The following ADTRP variants were observed in gnomAD, a reference collection of about 807,000 sequenced individuals.
ADTRP encodes the protein androgen-dependent TFPI-regulating protein.
In ADTRP, 20 loss-of-function variants were observed where a neutral mutation model predicts 27.0. That is an observed-to-expected ratio of 0.74 (90% CI 0.52 to 1.08). ADTRP has a LOEUF of 1.08. ADTRP is among the 50% of genes least tolerant of loss of function. ADTRP has a pLI of 0.00. For missense variants in ADTRP, 251 were observed against 275.0 expected (o/e 0.91, Z 0.62); for synonymous variants, 101 against 105.2 (o/e 0.96, Z 0.25).
intron 3 of ADTRP, among the ~76,000 whole-genome samples, chr6:11,740,664 A>G (rs1762687107): frequency 6.6e-6 from 1 of 152,230 alleles, no homozygotes; most frequent in Admixed American, 6.5e-5. Flanking sequence ...TCCATTTGCC[A>G]GCTAAAAACT....
At chr6:11,717,264 A>T in intron 5 of ADTRP, 2 of 1,298,918 alleles carry the variant, frequency 1.5e-6, no homozygotes, top group South Asian at 1.2e-5. Context: ...CTGCTGTCAG[A>T]TAGTAGCAAG....
At chr6:11,733,927 G>A (rs148277382) in intron 4 of ADTRP, among the ~76,000 whole-genome samples, 1 of 151,940 alleles carries the variant, frequency 6.6e-6, no homozygotes, top group African/African-American at 2.4e-5. Flanking sequence ...TCCCCAAAAA[G>A]GAAAAGAAAA....
At position 11,714,379 on chromosome 6, in the gene ADTRP, A is replaced by T; in HGVS notation, c.*99T>A. 7.2e-7 allele frequency: 1 copy of T among 1,380,056 alleles called. No homozygotes were observed. The allele number at this position is 1,380,056 out of a possible 1,614,324, so 85.5% of individuals were successfully genotyped here. ...CACTCTCTGTCCCTCCTACTTTGCT[A>T]TGTTCCTCCACCACCTCCCTCCACC... On this transcript the variant is annotated 3_prime_UTR_variant, in exon 6 of 6. Transcript: ENST00000414691.
At chr6:11,714,645 C>G in intron 5 of ADTRP, 133 bp from the exon 6 acceptor site, 1 of 1,000,948 alleles carries the variant, frequency 1.0e-6, no homozygotes, top group Non-Finnish European at 1.5e-6. Context: ...TGACAAGATG[C>G]AGTTTAAGGA....
intron 5 of ADTRP, among the ~76,000 whole-genome samples, chr6:11,721,309 G>C (rs971949270): frequency 5.9e-5 from 9 of 152,184 alleles, no homozygotes; most frequent in Non-Finnish European, 1.0e-4. Context: ...ATATAGAAGA[G>C]CAAAAGCCAA....
intron 4 of ADTRP, among the ~76,000 whole-genome samples, chr6:11,734,933 T>A (rs1038464860): frequency 6.7e-5 from 10 of 148,372 alleles, no homozygotes; most frequent in Admixed American, 4.1e-4. Flanking sequence ...GGTTATAGAA[T>A]GGAAGAAAAG....
At chr6:11,737,176 C>T (rs13192105) in intron 3 of ADTRP, among the ~76,000 whole-genome samples, 7,506 of 152,096 alleles carry the variant, frequency 0.049, 250 homozygotes, top group Non-Finnish European at 0.052. Context: ...AGTCCTTCTG[C>T]CACCCTCTGA....
chr6:11,716,719 C>CTTTTTCTTTTTTTTTTTTTTTT (rs200468981), intron 5 of ADTRP, among the ~76,000 whole-genome samples: 1 of 125,412 alleles, frequency 8.0e-6, no homozygotes. Flanking sequence ...TTTTCTTTTT[C>CTTTTTCTTTTTTTTTTTTTTTT]TTTTTTTTTT....
chr6:11,723,249 T>C, intron 5 of ADTRP, 100 bp downstream of exon 5: 3 of 1,456,444 alleles, frequency 2.1e-6, no homozygotes, highest in Non-Finnish European at 2.8e-6. Context: ...GTAAGCATCA[T>C]TGCTTCTGTT....
rs1401671618 is a variant in ADTRP at position 11,740,317 on chromosome 6, T to G, written c.391-4634A>C. On this transcript the variant is annotated intron_variant, in intron 3 of 5. Transcript: ENST00000414691. Reference sequence around the variant, plus strand: ...TAAATATTTTTAAGTGAAGTTTTAGTGCACTAACAAGATCTCATTTCTGAG... The same window carrying G: ...TAAATATTTTTAAGTGAAGTTTTAGGGCACTAACAAGATCTCATTTCTGAG... Among the ~76,000 whole-genome samples the G allele has an allele frequency of 3.3e-5, 5 of 152,366 alleles. No individual in the cohort carries two copies. In the East Asian group the frequency reaches 9.6e-4, roughly 29 times the overall value.
At chr6:11,773,116 T>C (rs1763838967) in intron 1 of ADTRP, among the ~76,000 whole-genome samples, 1 of 152,100 alleles carries the variant, frequency 6.6e-6, no homozygotes, top group African/African-American at 2.4e-5. Context: ...GGAATGTCAG[T>C]TAGGTACAGA....
In ADTRP at chr6:11,734,995, T is replaced by C. The variant is rs186233750; in HGVS notation, c.506+573A>G. Among the ~76,000 whole-genome samples, 18 of 150,424 alleles carry C rather than the reference T, an allele frequency of 1.2e-4. 1 individual carries two copies. Among genetic ancestry groups the C allele is most frequent in the African/African-American group, 3.1e-4 (13 of 41,504 alleles). On this transcript the variant is annotated intron_variant, in intron 4 of 5. Transcript: ENST00000414691. ...AGCACGTTCCCTTGATTATAGACTA[T>C]TGGGCAGCGTTTCTGAAAATGAGTA...
At chr6:11,738,327 G>C (rs2235414) in intron 3 of ADTRP, among the ~76,000 whole-genome samples, 57,849 of 151,968 alleles carry the variant, frequency 0.38, 12,600 homozygotes, top group Non-Finnish European at 0.5. Context: ...GCCCACAGCT[G>C]GTGCCTGCGT....
chr6:11,739,612 G>A (rs761253081), intron 3 of ADTRP, among the ~76,000 whole-genome samples: 1 of 152,166 alleles, frequency 6.6e-6, no homozygotes, highest in African/African-American at 2.4e-5. Context: ...ACCAGCCCAT[G>A]GAAAATTTGT....
rs757228752 is a variant in ADTRP at position 11,768,342 on chromosome 6, A to T, written c.195T>A (p.Asp65Glu). 1.9e-6 allele frequency: 3 copies of T among 1,614,134 alleles called. No individual in the cohort carries two copies. The East Asian group carries it at 6.7e-5, about 36-fold the overall frequency. ...TTCCCCCTTTGGTTCTTTTCAGCAC[A>T]TCATCCAGGCAGGTGACCCCGTAGA... The part of the protein sequence containing the change: ...TIFYGVTCLD[D>E]VLKRTKGGKD... Residue 65 changes from aspartate to glutamate, a missense_variant, in exon 2 of 6, where the codon GAT (aspartate) becomes GAA (glutamate). Physicochemically the swap from Asp to Glu is conservative, Grantham distance 45 (BLOSUM62 2). Transcript: ENST00000414691.
intron 3 of ADTRP, among the ~76,000 whole-genome samples, chr6:11,751,725 G>A (rs1264674299): frequency 6.6e-6 from 1 of 152,130 alleles, no homozygotes; most frequent in Non-Finnish European, 1.5e-5. Context: ...ATTCCCTTTA[G>A]CATCTCCTTC....
At position 11,735,591 on chromosome 6, in the gene ADTRP, A is replaced by G; in HGVS notation, c.483T>C (p.Ala161=). The change falls in exon 4 of 6, where the codon GCT becomes GCC. Residue 161 remains alanine (A), a synonymous_variant. Transcript: ENST00000414691. ...SKKTGLTLLA[A]ASIAYISRIL... is the part of the protein sequence containing the mutation. ...ACCGGCTGATGTAAGCAATGCTGGC[A>G]GCAGCCAGCAAGGTGAGTCCTGTCT... is the stretch of plus-strand genomic sequence containing the variant. The G allele has an allele frequency of 5.6e-6, 9 of 1,612,886 alleles. No individual in the cohort carries two copies. The highest frequency in any genetic ancestry group is 7.6e-6 in the Non-Finnish European group (9 of 1,178,906).
chr6:11,773,880 A>G (rs1763864675), intron 1 of ADTRP, among the ~76,000 whole-genome samples: 1 of 152,158 alleles, frequency 6.6e-6, no homozygotes. Context: ...CTTGCTCAAT[A>G]ATTTATAGCT....
At chr6:11,717,878 C>T (rs148323658) in intron 5 of ADTRP, among the ~76,000 whole-genome samples, 4 of 152,332 alleles carry the variant, frequency 2.6e-5, no homozygotes, top group Admixed American at 2.6e-4. Flanking sequence ...TTGCCATTGA[C>T]TAAATGCTGC....
Sources: gnomAD v4.1 joint callset for allele counts (sites outside exome capture counted in the v4.1 genomes callset) on GRCh38, gnomAD v4.1.1 for gene constraint, MANE v1.5 for transcripts, NCBI Gene and HGNC (gene_info 2026-07-23, HGNC 2026-07-21) for gene names.